PIK3C3: variants seen among roughly 807,000 people sequenced by gnomAD.
PIK3C3 encodes the protein phosphatidylinositol 3-kinase catalytic subunit type 3, also known as PI3-kinase type 3.
PIK3C3 carries 95 observed loss-of-function variants against 126.1 expected under a neutral mutation model. The observed-to-expected ratio is 0.75, with a 90% CI of 0.64 to 0.89. PIK3C3 has a LOEUF of 0.89. Ranked by LOEUF, PIK3C3 falls within the 40% of genes least tolerant of loss-of-function variation. The probability of loss-of-function intolerance (pLI) is 0.00; values close to 1 mark genes in which losing one functional copy is unlikely to be tolerated. For synonymous variants in PIK3C3, 374 were observed against 360.0 expected (o/e 1.04, Z -0.44); for missense variants, 829 against 1,063.2 (o/e 0.78, Z 3.06).
At chr18:42,069,718 C>T (rs1985697855) in intron 24 of PIK3C3, among the ~76,000 whole-genome samples, 1 of 152,244 alleles carries the variant, frequency 6.6e-6, no homozygotes, top group South Asian at 2.1e-4. Flanking sequence ...AATATCTCTC[C>T]ATCATGGGTT....
intron 22 of PIK3C3, among the ~76,000 whole-genome samples, chr18:42,062,160 C>G (rs545922326): frequency 6.6e-6 from 1 of 152,008 alleles, no homozygotes; most frequent in African/African-American, 2.4e-5. Flanking sequence ...TTTCCCCATG[C>G]CAAGATGGGA....
chr18:41,958,995 C>G (rs1979939551), intron 2 of PIK3C3, among the ~76,000 whole-genome samples: 2 of 152,224 alleles, frequency 1.3e-5, no homozygotes, highest in African/African-American at 2.4e-5. Context: ...ATCATCACAC[C>G]TAAAACAATG....
chr18:42,058,482 G>T (rs1985171473), intron 22 of PIK3C3, among the ~76,000 whole-genome samples: 1 of 152,260 alleles, frequency 6.6e-6, no homozygotes, highest in African/African-American at 2.4e-5. Context: ...CTTTATCAAA[G>T]AATATAGGAT....
chr18:42,081,518 A>G lies in PIK3C3; in HGVS notation c.*381A>G, dbSNP rs146448710. 2.8e-3 allele frequency: 518 copies of G among 187,926 alleles called. 4 individuals carry two copies. The highest frequency in any genetic ancestry group is 0.011 in the African/African-American group (493 of 43,080). 11.6% of individuals were successfully genotyped at this position (187,926 alleles called of 1,614,324 possible). Reference sequence around the variant, plus strand: ...TTTCCTCTTATATCTTCATATCAGGACAGCAGTAACCTGAATTTAGATTGT... The same window carrying G: ...TTTCCTCTTATATCTTCATATCAGGGCAGCAGTAACCTGAATTTAGATTGT... On this transcript the variant is annotated 3_prime_UTR_variant, in exon 25 of 25. Coordinates refer to ENST00000262039, the MANE Select transcript of PIK3C3 (RefSeq NM_002647.4).
intron 4 of PIK3C3, among the ~76,000 whole-genome samples, chr18:41,975,104 T>C (rs1980850347): frequency 6.6e-6 from 1 of 152,130 alleles, no homozygotes; most frequent in Non-Finnish European, 1.5e-5. Flanking sequence ...AGGGAAGATG[T>C]GGTAAGATGT....
intron 12 of PIK3C3, among the ~76,000 whole-genome samples, chr18:42,015,923 T>G (rs1983052927): frequency 1.3e-5 from 2 of 152,164 alleles, no homozygotes; most frequent in African/African-American, 4.8e-5. Context: ...ATGTATAACT[T>G]TGATATTAGA....
In PIK3C3 at chr18:42,076,183, TATATATATGCACAC is replaced by T. The variant is rs1568013919; in HGVS notation, c.2650-4931_2650-4918del. The stretch of plus-strand genomic sequence containing the variant: ...ATATGCACATATATATATATGCACA[TATATATATGCACAC>T]ATATATATATGCACATATATATATG... On this transcript the variant is annotated intron_variant, in intron 24 of 24. Transcript: ENST00000262039. Among the ~76,000 whole-genome samples the T allele has an allele frequency of 1.4e-3, 165 of 120,428 alleles. 5 individuals are homozygous for T. The highest frequency in any genetic ancestry group is 4.2e-3 in the African/African-American group (113 of 26,646). The allele number at this position is 120,428 out of a possible 152,430, so 79.0% of individuals were successfully genotyped here. A position where few individuals can be genotyped will look rare whatever the true frequency, so the allele number is the denominator to read the frequency against.
intron 10 of PIK3C3, among the ~76,000 whole-genome samples, chr18:42,012,256 A>G (rs563799896): frequency 6.6e-6 from 1 of 152,264 alleles, no homozygotes; most frequent in East Asian, 1.9e-4. Context: ...AAATAAGGAA[A>G]TATGGGTTGC....
chr18:42,009,157 G>T (rs1397619096), intron 10 of PIK3C3, among the ~76,000 whole-genome samples: 1 of 152,116 alleles, frequency 6.6e-6, no homozygotes, highest in Non-Finnish European at 1.5e-5. Context: ...TGGATGCCAT[G>T]AATCTCAACT....
intron 21 of PIK3C3, among the ~76,000 whole-genome samples, chr18:42,054,126 G>GTATATCTATATC (rs1473971394): frequency 1.1e-4 from 8 of 69,676 alleles, no homozygotes; most frequent in East Asian, 1.7e-3. Context: ...AGAACTAATG[G>GTATATCTATATC]TATATATATA....
At chr18:42,080,873 C>T (rs1280929121) in intron 24 of PIK3C3, among the ~76,000 whole-genome samples, 1 of 152,108 alleles carries the variant, frequency 6.6e-6, no homozygotes, top group Non-Finnish European at 1.5e-5. Context: ...GTGTTAATTA[C>T]ATTCATCTTG....
chr18:42,065,726 A>G (rs1299526487), intron 23 of PIK3C3, among the ~76,000 whole-genome samples: 1 of 152,076 alleles, frequency 6.6e-6, no homozygotes, highest in Non-Finnish European at 1.5e-5. Flanking sequence ...TTTTTAGTTC[A>G]TATTTAAAGT....
intron 16 of PIK3C3, among the ~76,000 whole-genome samples, chr18:42,037,440 A>G (rs1396052143): frequency 6.6e-6 from 1 of 152,180 alleles, no homozygotes; most frequent in East Asian, 1.9e-4. Context: ...AGTACCTGGG[A>G]GAGCTTGGAA....
At chr18:41,958,741 G>T (rs754174636) in intron 2 of PIK3C3, among the ~76,000 whole-genome samples, 96 of 151,972 alleles carry the variant, frequency 6.3e-4, no homozygotes, top group African/African-American at 2.0e-3. Context: ...GTGTGTATGT[G>T]TATGTAGATA....
At chr18:42,049,802 C>T (rs1489932374) in intron 21 of PIK3C3, 197 bp downstream of exon 21, 4 of 436,152 alleles carry the variant, frequency 9.2e-6, no homozygotes, top group Non-Finnish European at 1.3e-5. Context: ...GGAGAAACCC[C>T]GTCTCTACTA....
intron 15 of PIK3C3, among the ~76,000 whole-genome samples, chr18:42,030,776 C>G (rs968383589): frequency 6.6e-6 from 1 of 152,122 alleles, no homozygotes; most frequent in Non-Finnish European, 1.5e-5. Context: ...TCCCAGATGC[C>G]CACCAGCAGA....
intron 2 of PIK3C3, among the ~76,000 whole-genome samples, chr18:41,959,796 A>T (rs1979986593): frequency 6.6e-6 from 1 of 152,188 alleles, no homozygotes; most frequent in Non-Finnish European, 1.5e-5. Context: ...TCCATCTCAA[A>T]AAAAAAGAAT....
intron 3 of PIK3C3, among the ~76,000 whole-genome samples, chr18:41,966,177 C>CTTTT (rs10539758): frequency 1.6e-4 from 18 of 112,566 alleles, no homozygotes; most frequent in Non-Finnish European, 2.6e-4. Flanking sequence ...TATATTGTTC[C>CTTTT]TTTTTTTTTT....
intron 13 of PIK3C3, among the ~76,000 whole-genome samples, chr18:42,024,631 C>T (rs2144428108): frequency 6.6e-6 from 1 of 151,222 alleles, no homozygotes; most frequent in Middle Eastern, 3.4e-3. Context: ...GGCGAGGTTT[C>T]TCCATGTTGG....
Sources: allele counts gnomAD v4.1 joint callset (sites outside exome capture counted in the v4.1 genomes callset), GRCh38; gene constraint gnomAD v4.1.1; transcripts MANE v1.5; gene names NCBI Gene and HGNC (gene_info 2026-07-23, HGNC 2026-07-21).